COL21A1: variants seen among roughly 807,000 people sequenced by gnomAD.
The protein encoded by COL21A1 is collagen type XXI alpha 1 chain.
A neutral mutation model predicts 137.9 loss-of-function variants in COL21A1; 149 were observed. The observed-to-expected ratio is 1.08, with a 90% CI of 0.95 to 1.24. The LOEUF (loss-of-function observed/expected upper bound fraction) is 1.24, where lower values mean the gene tolerates loss of function less well. Ranked by LOEUF, COL21A1 falls within the 50% of genes most tolerant of loss-of-function variation. The probability of loss-of-function intolerance (pLI) is 0.00; values close to 1 mark genes in which losing one functional copy is unlikely to be tolerated. For missense variants in COL21A1, 1,167 were observed against 1,158.4 expected (o/e 1.01, Z -0.11); for synonymous variants, 456 against 391.5 (o/e 1.16, Z -1.95).
chr6:56,355,783 G>A (rs1765814564), intron 1 of COL21A1, among the ~76,000 whole-genome samples: 1 of 152,172 alleles, frequency 6.6e-6, no homozygotes, highest in Non-Finnish European at 1.5e-5. Context: ...GGAGCCAGCT[G>A]ATGGATCCAA....
intron 1 of COL21A1, among the ~76,000 whole-genome samples, chr6:56,197,902 C>T (rs1029559308): frequency 7.9e-5 from 12 of 152,018 alleles, no homozygotes; most frequent in Non-Finnish European, 1.8e-4. Flanking sequence ...TATCTATAGT[C>T]CCATATTCAA....
chr6:56,163,932 T>C (rs764024412), intron 9 of COL21A1, among the ~76,000 whole-genome samples: 2 of 152,152 alleles, frequency 1.3e-5, no homozygotes, highest in Non-Finnish European at 2.9e-5. Context: ...CAAAAGTACA[T>C]GATTAAGTGA....
At chr6:56,250,340 G>C (rs1486014407), upstream of COL21A1, among the ~76,000 whole-genome samples, 1 of 152,216 alleles carries the variant, frequency 6.6e-6, no homozygotes, top group East Asian at 1.9e-4. Context: ...CTTTAAAGCA[G>C]AGAGGTTTCC....
intron 3 of COL21A1, among the ~76,000 whole-genome samples, chr6:56,177,411 G>T (rs766600439): frequency 6.6e-6 from 1 of 152,270 alleles, no homozygotes; most frequent in South Asian, 2.1e-4. Context: ...TTTATCAAAT[G>T]ATTCAAATAC....
At chr6:56,329,192 A>T (rs1765166461) in intron 1 of COL21A1, among the ~76,000 whole-genome samples, 1 of 152,144 alleles carries the variant, frequency 6.6e-6, no homozygotes, top group Non-Finnish European at 1.5e-5. Flanking sequence ...TTATTACATG[A>T]CATGTGTCTA....
At chr6:56,192,290 G>A (rs1487153017) in intron 1 of COL21A1, among the ~76,000 whole-genome samples, 1 of 152,110 alleles carries the variant, frequency 6.6e-6, no homozygotes, top group Non-Finnish European at 1.5e-5. Flanking sequence ...ATAGGCATGG[G>A]CAAAGACTTC....
At chr6:56,086,759 G>T (rs1446543718) in intron 17 of COL21A1, among the ~76,000 whole-genome samples, 3 of 152,060 alleles carry the variant, frequency 2.0e-5, no homozygotes, top group Non-Finnish European at 4.4e-5. Flanking sequence ...ATCTAGAAAG[G>T]TTCCTATAAG....
At chr6:56,374,321 C>G (rs1310450162) in intron 1 of COL21A1, among the ~76,000 whole-genome samples, 1 of 152,138 alleles carries the variant, frequency 6.6e-6, no homozygotes. Context: ...AGCCTTTTGA[C>G]AGCCACAAAT....
At chr6:56,113,451 A>T (rs1771627252) in intron 16 of COL21A1, among the ~76,000 whole-genome samples, 2 of 150,760 alleles carry the variant, frequency 1.3e-5, no homozygotes, top group South Asian at 4.2e-4. Flanking sequence ...ACATTTCTAG[A>T]CACACCCTGG....
At chr6:56,074,764 A>G (rs923039056) in intron 19 of COL21A1, among the ~76,000 whole-genome samples, 2 of 151,422 alleles carry the variant, frequency 1.3e-5, no homozygotes, top group African/African-American at 4.8e-5. Flanking sequence ...TTTAATCATA[A>G]CATTCAAAAT....
chr6:56,099,566 T>C (rs1015167162), intron 17 of COL21A1, among the ~76,000 whole-genome samples: 24 of 152,006 alleles, frequency 1.6e-4, no homozygotes, highest in African/African-American at 5.8e-4. Context: ...CAAGCTCTCA[T>C]GTCTATTATC....
At chr6:56,097,716 G>T (rs1769481094) in intron 17 of COL21A1, among the ~76,000 whole-genome samples, 1 of 137,978 alleles carries the variant, frequency 7.2e-6, no homozygotes, top group South Asian at 2.2e-4. Context: ...CCATGGGAAA[G>T]GAAAGCATCT....
intron 22 of COL21A1, among the ~76,000 whole-genome samples, 198 bp from the exon 23 acceptor site, chr6:56,067,528 A>G (rs1332982455): frequency 1.3e-5 from 2 of 151,804 alleles, no homozygotes; most frequent in Non-Finnish European, 2.9e-5. Flanking sequence ...ATTGTAAAAG[A>G]ACACTTTTGT....
In COL21A1 at chr6:56,060,224, A is replaced by G. The variant is rs1176715792; in HGVS notation, c.2408-6T>C. 1.3e-6 allele frequency: 2 copies of G among 1,579,076 alleles called. No individual in the cohort carries two copies. The highest frequency in any genetic ancestry group is 3.8e-5 in the Admixed American group (2 of 52,456). ...AAGTAAGACTGGTAGCTGGGCTTTC[A>G]AAAACAAAGAAACCCCATCCCTTAT... On this transcript the variant is annotated splice_polypyrimidine_tract_variant and splice_region_variant and intron_variant, in intron 27 of 29. Coordinates refer to ENST00000244728, the MANE Select transcript of COL21A1 (RefSeq NM_030820.4).
chr6:56,336,473 A>G (rs1055239823), intron 1 of COL21A1, among the ~76,000 whole-genome samples: 2 of 152,326 alleles, frequency 1.3e-5, no homozygotes, highest in African/African-American at 4.8e-5. Flanking sequence ...TTATAAGAAA[A>G]TATTCTGATA....
intron 1 of COL21A1, among the ~76,000 whole-genome samples, chr6:56,222,984 T>C (rs976414531): frequency 6.6e-6 from 1 of 152,050 alleles, no homozygotes; most frequent in African/African-American, 2.4e-5. Flanking sequence ...GTATTTTTTT[T>C]TTATTAAATG....
chr6:56,344,990 T>C (rs1224421048), intron 1 of COL21A1, among the ~76,000 whole-genome samples: 5 of 152,188 alleles, frequency 3.3e-5, no homozygotes, highest in African/African-American at 7.2e-5. Context: ...AATGCAAGGA[T>C]GGACTCATAC....
intron 1 of COL21A1, among the ~76,000 whole-genome samples, chr6:56,186,256 C>A (rs1016248677): frequency 2.0e-5 from 3 of 152,058 alleles, no homozygotes; most frequent in Non-Finnish European, 4.4e-5. Flanking sequence ...ATCACATGAA[C>A]ATCTCAATTT....
Position 56,171,071 on chromosome 6 carries a change from A to C in COL21A1, c.698T>G (p.Ile233Ser). Reference sequence around the variant, plus strand: ...TTTATTTACATCTAAACCTAAAAGAATATCAAATCCCCTTTCATCACGAGC... The same window carrying C: ...TTTATTTACATCTAAACCTAAAAGACTATCAAATCCCCTTTCATCACGAGC... ...VAARDERGFD[I>S]LLGLDVNKKV... is the part of the protein sequence containing the mutation. The change falls in exon 4 of 30, where the codon ATT becomes AGT. Residue 233 changes from isoleucine to serine, a missense_variant. Ile to Ser is a moderately radical substitution (Grantham distance 142, BLOSUM62 -2). Coordinates refer to ENST00000244728, the MANE Select transcript of COL21A1 (RefSeq NM_030820.4). 6.2e-7 allele frequency: 1 copy of C among 1,609,870 alleles called. No homozygotes were observed. Among genetic ancestry groups the C allele is most frequent in the African/African-American group, 1.3e-5 (1 of 74,838 alleles).
Sources: gnomAD v4.1 joint callset for allele counts (sites outside exome capture counted in the v4.1 genomes callset) on GRCh38, gnomAD v4.1.1 for gene constraint, MANE v1.5 for transcripts, NCBI Gene and HGNC (gene_info 2026-07-23, HGNC 2026-07-21) for gene names.